Variants in ZNF138 observed in about 807,000 individuals in gnomAD.
The protein encoded by ZNF138 is zinc finger protein 138 (clone pHZ-32).
A neutral mutation model predicts 33.0 loss-of-function variants in ZNF138; 33 were observed. That is an observed-to-expected ratio of 1.00 (90% CI 0.76 to 1.34). The LOEUF is 1.34. Ranked by LOEUF, ZNF138 falls within the 40% of genes most tolerant of loss-of-function variation. The pLI is 0.00. For missense variants in ZNF138, 360 were observed against 370.8 expected, an observed-to-expected ratio of 0.97 and a Z score of 0.24; for synonymous variants, 139 against 120.4, an observed-to-expected ratio of 1.15 and a Z score of -1.01.
rs760232603 is a variant in ZNF138, at chr7:64,831,798, A to T, written c.556A>T (p.Lys186Ter). The T allele has an allele frequency of 6.2e-6, 10 of 1,613,284 alleles. No individual in the cohort carries two copies. The highest frequency in any genetic ancestry group is 8.5e-6 in the Non-Finnish European group (10 of 1,179,804). ...CATGCTTTCACGCCTAACTCAACAT[A>T]AAAAAATTCATACTAGAGAGAATTT... ...LCMLSRLTQHKKIHTRENFYK... is the reference protein window; with the variant it reads ...LCMLSRLTQH The change falls in exon 4 of 4, where the codon AAA becomes TAA. Residue 186 changes from lysine to a stop codon, truncating the protein, a stop_gained. Coordinates refer to ENST00000307355, the MANE Select transcript of ZNF138 (RefSeq NM_001271639.2). LOFTEE classifies it high-confidence loss of function.
intron 3 of ZNF138, among the ~76,000 whole-genome samples, chr7:64,830,249 T>G (rs539292615): frequency 2.6e-5 from 4 of 152,280 alleles, no homozygotes; most frequent in Non-Finnish European, 4.4e-5. Context: ...TATAAATATC[T>G]TTGTGTGTAT....
At chr7:64,827,245 A>G (rs1039814472) in intron 3 of ZNF138, among the ~76,000 whole-genome samples, 4 of 117,246 alleles carry the variant, frequency 3.4e-5, no homozygotes, top group Non-Finnish European at 6.8e-5. Flanking sequence ...CTTGGCCACC[A>G]TGAAACTTTT....
At chr7:64,807,697 C>T (rs553871052) in intron 1 of ZNF138, among the ~76,000 whole-genome samples, 1 of 152,296 alleles carries the variant, frequency 6.6e-6, no homozygotes, top group South Asian at 2.1e-4. Context: ...GCATTTTCTG[C>T]GTTGTGAGAT....
the ZNF138 span, among the ~76,000 whole-genome samples, chr7:64,842,047 G>A: frequency 6.6e-6 from 1 of 152,160 alleles, no homozygotes; most frequent in Non-Finnish European, 1.5e-5. Flanking sequence ...AATGTTCTAT[G>A]ATATAGCACA....
At chr7:64,810,951 C>T (rs557260027) in intron 1 of ZNF138, among the ~76,000 whole-genome samples, 18 of 152,228 alleles carry the variant, frequency 1.2e-4, no homozygotes, top group Admixed American at 2.0e-4. Flanking sequence ...TTTATTAAAA[C>T]CAGTGCTTGC....
At chr7:64,826,656 A>C (rs1180390221) in intron 3 of ZNF138, among the ~76,000 whole-genome samples, 4 of 151,388 alleles carry the variant, frequency 2.6e-5, no homozygotes, top group African/African-American at 9.7e-5. Flanking sequence ...TTTTTTAGAC[A>C]GAGTTTCACT....
chr7:64,847,359 T>C, the ZNF138 span, among the ~76,000 whole-genome samples: 1 of 145,464 alleles, frequency 6.9e-6, no homozygotes, highest in African/African-American at 2.5e-5. Flanking sequence ...CTGCAGTTCT[T>C]GGTTAGAATG....
intron 1 of ZNF138, among the ~76,000 whole-genome samples, chr7:64,799,746 C>T (rs1436605960): frequency 4.6e-5 from 7 of 152,182 alleles, no homozygotes; most frequent in Non-Finnish European, 2.9e-5. Context: ...CGGGTTCAAA[C>T]GATTCTCCTG....
chr7:64,846,424 G>C, the ZNF138 span, among the ~76,000 whole-genome samples: 1 of 152,126 alleles, frequency 6.6e-6, no homozygotes, highest in Non-Finnish European at 1.5e-5. Context: ...TGCTTGTGTC[G>C]TGTATGATTT....
chr7:64,801,459 C>T (rs906260569), intron 1 of ZNF138, among the ~76,000 whole-genome samples: 2 of 151,938 alleles, frequency 1.3e-5, no homozygotes, highest in African/African-American at 4.8e-5. Flanking sequence ...TTTCCATGTA[C>T]TTGTATGGTT....
At chr7:64,830,914 T>C in intron 3 of ZNF138, 4 of 1,544,246 alleles carry the variant, frequency 2.6e-6, no homozygotes, top group Non-Finnish European at 3.5e-6. Flanking sequence ...AGTCACTTGC[T>C]ACAACTGTTC....
chr7:64,830,567 C>T (rs1790003256), intron 3 of ZNF138, among the ~76,000 whole-genome samples: 2 of 152,024 alleles, frequency 1.3e-5, no homozygotes, highest in South Asian at 4.2e-4. Flanking sequence ...AGGTCATCTC[C>T]CCACCTCATC....
At chr7:64,805,048 C>T (rs1763684907) in intron 1 of ZNF138, among the ~76,000 whole-genome samples, 1 of 152,160 alleles carries the variant, frequency 6.6e-6, no homozygotes, top group Admixed American at 6.5e-5. Context: ...TTGGAGCTAT[C>T]CCTATCTGGA....
At chr7:64,822,479 C>A (rs551107292) in intron 3 of ZNF138, among the ~76,000 whole-genome samples, 1 of 151,248 alleles carries the variant, frequency 6.6e-6, no homozygotes, top group African/African-American at 2.5e-5. Flanking sequence ...GTATGTGGTT[C>A]GAGAAAATGA....
chr7:64,800,053 C>T (rs1331120972), intron 1 of ZNF138, among the ~76,000 whole-genome samples: 3 of 152,210 alleles, frequency 2.0e-5, no homozygotes, highest in African/African-American at 7.2e-5. Flanking sequence ...TGCTTCACTT[C>T]TTCAGTTTAA....
the ZNF138 span, among the ~76,000 whole-genome samples, chr7:64,850,289 A>G: frequency 1.3e-5 from 2 of 152,180 alleles, no homozygotes; most frequent in Non-Finnish European, 2.9e-5. Context: ...GAACACTATC[A>G]ATATTTTGGC....
At chr7:64,845,022 G>A in the ZNF138 span, among the ~76,000 whole-genome samples, 24 of 152,074 alleles carry the variant, frequency 1.6e-4, no homozygotes, top group Non-Finnish European at 2.8e-4. Context: ...AGATTTTGGT[G>A]CACCCATCAC....
rs765129862 is a variant in ZNF138, at chr7:64,831,931, A to T, written c.689A>T (p.Lys230Ile). Reference protein sequence around the residue: ...EKPYKCEVCGKAFHQSSILTK... With the variant: ...EKPYKCEVCGIAFHQSSILTK... Reference sequence around the variant, plus strand: ...CCCTACAAATGTGAAGTATGTGGAAAAGCCTTTCACCAATCCTCAATCCTT... The same window carrying T: ...CCCTACAAATGTGAAGTATGTGGAATAGCCTTTCACCAATCCTCAATCCTT... The change falls in exon 4 of 4, where the codon AAA (lysine) becomes ATA (isoleucine). Residue 230 changes from lysine to isoleucine, a missense_variant. Lys to Ile is a moderately radical substitution (Grantham distance 102). Transcript: ENST00000307355. The T allele has an allele frequency of 1.9e-6, 3 of 1,613,664 alleles. No individual in the cohort carries two copies.
chr7:64,804,563 A>AT (rs112717829), intron 1 of ZNF138, among the ~76,000 whole-genome samples: 24,529 of 152,066 alleles, frequency 0.16, 2,237 homozygotes, highest in East Asian at 0.41. Flanking sequence ...TGGGTGGATC[A>AT]TTGCAGTCAG....
Sources: gnomAD v4.1 joint callset for allele counts (sites outside exome capture counted in the v4.1 genomes callset) on GRCh38, gnomAD v4.1.1 for gene constraint, MANE v1.5 for transcripts, NCBI Gene and HGNC (gene_info 2026-07-23, HGNC 2026-07-21) for gene names.